Variants in MMRN1 observed in about 807,000 individuals in gnomAD.
The protein encoded by MMRN1 is multimerin-1.
A neutral mutation model predicts 100.7 loss-of-function variants in MMRN1; 94 were observed. The observed-to-expected ratio is 0.93, with a 90% CI of 0.79 to 1.11. The LOEUF (loss-of-function observed/expected upper bound fraction) is 1.11. Ranked by LOEUF, MMRN1 falls within the 50% of genes least tolerant of loss-of-function variation. The pLI, the probability that MMRN1 is intolerant of heterozygous loss-of-function variation, is 0.00. For synonymous variants in MMRN1, 575 were observed against 505.0 expected (o/e 1.14, Z -1.86); for missense variants, 1,606 against 1,439.1 (o/e 1.12, Z -1.88).
Position 89,951,699 on chromosome 4 carries a change from TACTGGTG to T in MMRN1, c.3216_3222del (p.Gly1073ThrfsTer12). On this transcript the variant is annotated frameshift_variant, in exon 7 of 8. Transcript: ENST00000264790. LOFTEE classifies it high-confidence loss of function. ...TTACCTGTGCCTGCAGACATCCTTT[TACTGGTG>T]ACAACTGCACTATCAAGCTTGTGGA... is the stretch of plus-strand genomic sequence containing the variant. 1 of 1,608,480 alleles carries T rather than the reference TACTGGTG, an allele frequency of 6.2e-7. No individual in the cohort carries two copies. The highest frequency in any genetic ancestry group is 8.5e-7 in the Non-Finnish European group (1 of 1,178,284).
intron 1 of MMRN1, among the ~76,000 whole-genome samples, chr4:89,897,297 C>T (rs1394818271): frequency 6.6e-6 from 1 of 151,942 alleles, no homozygotes; most frequent in Admixed American, 6.6e-5. Flanking sequence ...CAATCTTCGA[C>T]TCCCAGGTTC....
At position 89,935,311 on chromosome 4, in the gene MMRN1, AG is replaced by A; in HGVS notation, c.1632del (p.Glu544AspfsTer10). 1 of 1,613,770 alleles carries A rather than the reference AG, an allele frequency of 6.2e-7. No homozygotes were observed. Among genetic ancestry groups the A allele is most frequent in the Non-Finnish European group, 8.5e-7 (1 of 1,179,794 alleles). On this transcript the variant is annotated frameshift_variant, in exon 6 of 8. Coordinates refer to ENST00000264790, the MANE Select transcript of MMRN1 (RefSeq NM_007351.3). LOFTEE classifies it high-confidence loss of function. ...GAGTCAGTTAGCAATAATGTCACTG[AG>A]TACATGTCTACTTTACATGAAAATA... ...AAESVSNNVT[E>X]YMSTLHENIK...
At chr4:89,901,950 A>G in intron 1 of MMRN1, 1 of 151,916 alleles carries the variant, frequency 6.6e-6, no homozygotes, top group Admixed American at 6.6e-5. Context: ...AGTTTACAGG[A>G]ACTGGATTAA....
chr4:89,889,698 A>G lies in MMRN1; in HGVS notation c.-248-5026A>G, dbSNP rs139340261. On this transcript the variant is annotated intron_variant, in intron 1 of 8. Transcript: ENST00000394980. ...TTAGTTTATGTATAAACTGCTTCCA[A>G]TCTCATCAATTCAACACTAGACATC... 5.9e-3 allele frequency among the ~76,000 whole-genome samples: 893 copies of G among 152,136 alleles called. 6 individuals are homozygous for G. Among genetic ancestry groups the G allele is most frequent in the African/African-American group, 0.018 (760 of 41,518 alleles).
At chr4:89,942,466 C>T (rs1417199035) in intron 6 of MMRN1, among the ~76,000 whole-genome samples, 2 of 151,960 alleles carry the variant, frequency 1.3e-5, no homozygotes, top group African/African-American at 2.4e-5. Context: ...ATATTTTCAT[C>T]CTGACAAAAA....
chr4:89,892,420 A>G (rs948454167), upstream of MMRN1, among the ~76,000 whole-genome samples: 2 of 151,422 alleles, frequency 1.3e-5, no homozygotes, highest in Admixed American at 6.6e-5. Flanking sequence ...TAAACTGAGT[A>G]CTCTTCAGCC....
At chr4:89,911,735 C>T (rs942591183) in intron 2 of MMRN1, among the ~76,000 whole-genome samples, 1 of 151,112 alleles carries the variant, frequency 6.6e-6, no homozygotes, top group African/African-American at 2.4e-5. Context: ...TACCAAATAC[C>T]ATAACTAGTA....
At chr4:89,915,189 G>A (rs973448569) in intron 3 of MMRN1, among the ~76,000 whole-genome samples, 1 of 151,594 alleles carries the variant, frequency 6.6e-6, no homozygotes, top group African/African-American at 2.4e-5. Flanking sequence ...ATTTTAAAAT[G>A]CATTCCCTGT....
chr4:89,932,694 T>C (rs1012506363), intron 5 of MMRN1, among the ~76,000 whole-genome samples: 10 of 152,148 alleles, frequency 6.6e-5, no homozygotes, highest in African/African-American at 2.4e-4. Flanking sequence ...GAACTATACA[T>C]TGGTCCCTTT....
rs533142578 is a variant in MMRN1 at position 89,936,776 on chromosome 4, C to G, written c.3096C>G (p.Asn1032Lys). The change falls in exon 6 of 8, where the codon AAC becomes AAG. Residue 1032 changes from asparagine to lysine, a missense_variant. Asn to Lys is a moderately conservative substitution (Grantham distance 94). Coordinates refer to ENST00000264790, the MANE Select transcript of MMRN1 (RefSeq NM_007351.3). The stretch of plus-strand genomic sequence containing the variant: ...TCCTGATAGGCCGGACTCAAAGAAA[C>G]ACGGACAACATAATATATCCTGGTA... ...TTVLIGRTQR[N>K]TDNIIYPEEY... 1 of 1,598,648 alleles carries G rather than the reference C, an allele frequency of 6.3e-7. No individual in the cohort carries two copies. The highest frequency in any genetic ancestry group is 1.4e-5 in the African/African-American group (1 of 74,066).
In MMRN1 at chr4:89,939,850, G is replaced by A. The variant is rs1722768725; in HGVS notation, c.3118+3052G>A. On this transcript the variant is annotated intron_variant, in intron 6 of 7. Transcript: ENST00000264790. Reference sequence around the variant, plus strand: ...ACTGACAAGTTGTTTCTGCACATGAGGAAGTAGAGGTGCTACTTTTCAGTT... The same window carrying A: ...ACTGACAAGTTGTTTCTGCACATGAAGAAGTAGAGGTGCTACTTTTCAGTT... Among the ~76,000 whole-genome samples the A allele has an allele frequency of 7.9e-5, 12 of 152,276 alleles. No individual in the cohort carries two copies. In the South Asian group the frequency reaches 2.5e-3, roughly 32 times the overall value.
At chr4:89,951,039 C>T (rs889230102) in intron 6 of MMRN1, among the ~76,000 whole-genome samples, 2 of 151,970 alleles carry the variant, frequency 1.3e-5, no homozygotes, top group African/African-American at 4.8e-5. Context: ...ATGTTTTTCT[C>T]TTATGGTTTC....
At position 89,881,639 on chromosome 4, in the gene MMRN1, A is replaced by G. The variant is rs528659655; in HGVS notation, c.-249+2037A>G. ...TGTTTGTCAAAGGTGCCCATGGTGA[A>G]TGGAAGAAGTCTTTTCTAGTCAGTA... is the stretch of plus-strand genomic sequence containing the variant. On this transcript the variant is annotated intron_variant, in intron 1 of 8. Coordinates refer to the MMRN1 transcript ENST00000394980. Among the ~76,000 whole-genome samples, 8 of 152,038 alleles carry G rather than the reference A, an allele frequency of 5.3e-5. No homozygotes were observed. In the East Asian group the frequency reaches 1.5e-3, roughly 29 times the overall value.
intron 6 of MMRN1, among the ~76,000 whole-genome samples, chr4:89,938,015 C>A (rs915799464): frequency 6.6e-5 from 10 of 151,894 alleles, no homozygotes; most frequent in African/African-American, 2.4e-4. Flanking sequence ...CTGTGTTTTT[C>A]TCATATGAGT....
At chr4:89,906,569 T>G (rs1206893411) in intron 1 of MMRN1, among the ~76,000 whole-genome samples, 1 of 151,620 alleles carries the variant, frequency 6.6e-6, no homozygotes, top group Non-Finnish European at 1.5e-5. Flanking sequence ...AAAGGATTAC[T>G]AGGTTTAAGC....
chr4:89,892,185 C>CG (rs566392042), upstream of MMRN1, among the ~76,000 whole-genome samples: 71 of 151,750 alleles, frequency 4.7e-4, no homozygotes, highest in African/African-American at 1.6e-3. Flanking sequence ...TAAAAATCTC[C>CG]TGATAACTCA....
chr4:89,904,092 T>G (rs1721480214), intron 1 of MMRN1, among the ~76,000 whole-genome samples: 1 of 151,590 alleles, frequency 6.6e-6, no homozygotes, highest in Admixed American at 6.6e-5. Flanking sequence ...AAATGCCTCA[T>G]TCCCCTCCTC....
chr4:89,885,299 A>G (rs1720911925), intron 1 of MMRN1, among the ~76,000 whole-genome samples: 1 of 151,984 alleles, frequency 6.6e-6, no homozygotes, highest in South Asian at 2.1e-4. Context: ...TGGGATCATG[A>G]TATATTAGCT....
In MMRN1 at chr4:89,936,118, A is replaced by G. The variant is rs1204207796; in HGVS notation, c.2438A>G (p.Glu813Gly). The G allele has an allele frequency of 6.2e-7, 1 of 1,612,606 alleles. No homozygotes were observed. The highest frequency in any genetic ancestry group is 1.3e-5 in the African/African-American group (1 of 74,870). ...AKTLAGIPRD[E>G]KLNQSNFQKM... ...ACCCTTGCAGGTATTCCCAGAGATGAGAAACTAAATCAGTCCAACTTCCAA... is the reference window on the plus strand; with the variant it reads ...ACCCTTGCAGGTATTCCCAGAGATGGGAAACTAAATCAGTCCAACTTCCAA... Residue 813 changes from glutamate (E) to glycine (G), a missense_variant, in exon 6 of 8, where the codon GAG (glutamate) becomes GGG (glycine). Glu to Gly is a moderately conservative substitution (Grantham distance 98). Transcript: ENST00000264790.
Sources: gnomAD v4.1 joint callset for allele counts (sites outside exome capture counted in the v4.1 genomes callset) on GRCh38, gnomAD v4.1.1 for gene constraint, MANE v1.5 for transcripts, NCBI Gene and HGNC (gene_info 2026-07-23, HGNC 2026-07-21) for gene names.